PLCB4: variants seen among roughly 807,000 people sequenced by gnomAD.
The protein encoded by PLCB4 is 1-phosphatidylinositol 4,5-bisphosphate phosphodiesterase beta-4.
In PLCB4, 77 loss-of-function variants were observed where a neutral mutation model predicts 178.8. That is an observed-to-expected ratio of 0.43 (90% confidence interval 0.36 to 0.52). The LOEUF (loss-of-function observed/expected upper bound fraction) is 0.52. Among genes scored for constraint, PLCB4 ranks in the 20% least tolerant of loss-of-function variants. The pLI is 0.00. For missense variants in PLCB4, 1,024 were observed against 1,453.4 expected (o/e 0.70, Z 4.80); for synonymous variants, 496 against 490.8 (o/e 1.01, Z -0.14).
At chr20:9,120,426 C>G (rs1475033597) in intron 2 of PLCB4, among the ~76,000 whole-genome samples, 1 of 149,310 alleles carries the variant, frequency 6.7e-6, no homozygotes, top group Non-Finnish European at 1.5e-5. Context: ...CCGTACCCAG[C>G]CGACCTGCTC....
intron 14 of PLCB4, among the ~76,000 whole-genome samples, chr20:9,385,609 A>C (rs1455431057): frequency 2.3e-4 from 21 of 91,112 alleles, no homozygotes; most frequent in South Asian, 4.1e-4. Flanking sequence ...CGCTCCTCAC[A>C]TCCCAGATGG....
At chr20:9,099,216 C>G (rs773054492) in intron 2 of PLCB4, among the ~76,000 whole-genome samples, 5 of 152,108 alleles carry the variant, frequency 3.3e-5, no homozygotes, top group Non-Finnish European at 7.3e-5. Flanking sequence ...GGGAAGGTAT[C>G]TGAATCATGT....
chr20:9,448,453 A>G (rs1391119823), intron 32 of PLCB4, among the ~76,000 whole-genome samples: 1 of 152,160 alleles, frequency 6.6e-6, no homozygotes, highest in Non-Finnish European at 1.5e-5. Context: ...ACTATTATTT[A>G]GTCTATATCC....
chr20:9,387,366 C>A, intron 14 of PLCB4, 97 bp from the exon 15 acceptor site: 2 of 628,826 alleles, frequency 3.2e-6, no homozygotes, highest in South Asian at 2.6e-5. Context: ...ATTTTCTGTT[C>A]TGGAAGAAAA....
At chr20:9,373,761 A>T (rs1351248631) in intron 12 of PLCB4, among the ~76,000 whole-genome samples, 2 of 152,334 alleles carry the variant, frequency 1.3e-5, no homozygotes, top group Non-Finnish European at 2.9e-5. Context: ...GAATTGCTTA[A>T]GCACAAGAGA....
intron 3 of PLCB4, among the ~76,000 whole-genome samples, chr20:9,301,821 G>A (rs1468585363): frequency 6.6e-6 from 1 of 152,120 alleles, no homozygotes; most frequent in African/African-American, 2.4e-5. Context: ...TTGCAGTCCA[G>A]GGAGTTTTTC....
intron 33 of PLCB4, among the ~76,000 whole-genome samples, chr20:9,455,940 A>G (rs1157247622): frequency 1.3e-5 from 2 of 152,144 alleles, no homozygotes; most frequent in Non-Finnish European, 2.9e-5. Flanking sequence ...GGTTCAAGCA[A>G]TCGTCCTGCC....
At position 9,237,146 on chromosome 20, in the gene PLCB4, G is replaced by A. The variant is rs1048463174; in HGVS notation, c.-16+19694G>A. On this transcript the variant is annotated intron_variant, in intron 3 of 39. Coordinates refer to ENST00000378473, the MANE Select transcript of PLCB4 (RefSeq NM_001377142.1). ...ACTTTTCTTTACTGTTTTATTTATTGTGGTATAATTCACATGTGGGAAAAT... is the reference window on the plus strand; with the variant it reads ...ACTTTTCTTTACTGTTTTATTTATTATGGTATAATTCACATGTGGGAAAAT... Among the ~76,000 whole-genome samples, 3 of 152,054 alleles carry A rather than the reference G, an allele frequency of 2.0e-5. No homozygotes were observed. In the South Asian group the frequency reaches 6.3e-4, roughly 32 times the overall value.
At chr20:9,084,531 A>C (rs2090309629) in intron 1 of PLCB4, among the ~76,000 whole-genome samples, 1 of 152,058 alleles carries the variant, frequency 6.6e-6, no homozygotes, top group Admixed American at 6.5e-5. Context: ...GTGGGGAATA[A>C]ATTATCATAA....
chr20:9,261,013 C>T (rs932835741), intron 3 of PLCB4, among the ~76,000 whole-genome samples: 5 of 152,060 alleles, frequency 3.3e-5, no homozygotes, highest in Admixed American at 2.0e-4. Flanking sequence ...GGCAAGTGTT[C>T]GCACTTTCAA....
chr20:9,239,829 C>G (rs1442109126), intron 3 of PLCB4, among the ~76,000 whole-genome samples: 1 of 152,128 alleles, frequency 6.6e-6, no homozygotes, highest in Non-Finnish European at 1.5e-5. Context: ...CCTCAGAGCC[C>G]CCGGCAAACC....
chr20:9,121,446 A>G (rs919584104), intron 2 of PLCB4, among the ~76,000 whole-genome samples: 2 of 152,026 alleles, frequency 1.3e-5, no homozygotes, highest in African/African-American at 2.4e-5. Context: ...TGAGTTGTCC[A>G]TTCTCCACCC....
rs2038321139 is a variant in PLCB4 at position 9,393,500 on chromosome 20, C to T, written c.1324-88C>T. On this transcript the variant is annotated intron_variant, in intron 17 of 39. Coordinates refer to ENST00000378473, the MANE Select transcript of PLCB4 (RefSeq NM_001377142.1). ...CTAGTGGGTGTTGGGTTGCATCACT[C>T]CCAGGCCTCCCAGGCTCCTCCTGGA... 9.4e-6 allele frequency: 8 copies of T among 854,476 alleles called. No homozygotes were observed. In the South Asian group the frequency reaches 1.2e-4, roughly 13 times the overall value. The allele number at this position is 854,476 out of a possible 1,614,324, so 52.9% of individuals were successfully genotyped here. A position where few individuals can be genotyped will look rare whatever the true frequency, so the allele number is the denominator to read the frequency against.
chr20:9,206,299 C>CTTTTTTTTTTTTTTTTTT (rs71184138), intron 2 of PLCB4, among the ~76,000 whole-genome samples: 24 of 96,094 alleles, frequency 2.5e-4, no homozygotes, highest in South Asian at 7.7e-4. Flanking sequence ...TTTCTTTTTT[C>CTTTTTTTTTTTTTTTTTT]TTTTTTTTTT....
At chr20:9,072,847 A>C (rs2089639727) in intron 1 of PLCB4, among the ~76,000 whole-genome samples, 1 of 152,206 alleles carries the variant, frequency 6.6e-6, no homozygotes, top group African/African-American at 2.4e-5. Flanking sequence ...TTTTCCCTGC[A>C]TGCACTTCGT....
At chr20:9,374,206 A>G (rs2148313078) in intron 12 of PLCB4, among the ~76,000 whole-genome samples, 1 of 152,330 alleles carries the variant, frequency 6.6e-6, no homozygotes, top group South Asian at 2.1e-4. Context: ...CTGATGCAAG[A>G]AAGAGAAAAT....
intron 2 of PLCB4, among the ~76,000 whole-genome samples, chr20:9,109,347 A>G (rs1408951841): frequency 1.3e-5 from 2 of 152,194 alleles, no homozygotes; most frequent in Non-Finnish European, 2.9e-5. Flanking sequence ...AAATATCAAT[A>G]AAACTTTAAA....
intron 29 of PLCB4, among the ~76,000 whole-genome samples, chr20:9,436,379 T>C (rs924095903): frequency 4.6e-5 from 7 of 152,224 alleles, no homozygotes; most frequent in African/African-American, 1.7e-4. Context: ...ACAGATAGGA[T>C]CTCGCTCTGT....
In PLCB4 at chr20:9,395,564, T is replaced by C; in HGVS notation, c.1456T>C (p.Ser486Pro). The part of the protein sequence containing the change: ...ALRSMMEAGE[S>P]ASPANILEDD... ...GAGAAGCATGATGGAAGCTGGAGAA[T>C]CTGCCTCCCCAGCAAACATCTTAGA... The change falls in exon 19 of 40, where the codon TCT becomes CCT. Residue 486 changes from serine (S) to proline (P), a missense_variant. Ser to Pro is a moderately conservative substitution (Grantham distance 74). Transcript: ENST00000378473. 1.2e-6 allele frequency: 2 copies of C among 1,613,870 alleles called. No individual in the cohort carries two copies.
Sources: gnomAD v4.1 joint callset for allele counts (sites outside exome capture counted in the v4.1 genomes callset) on GRCh38, gnomAD v4.1.1 for gene constraint, MANE v1.5 for transcripts, NCBI Gene and HGNC (gene_info 2026-07-23, HGNC 2026-07-21) for gene names.